UQCC1: variants seen among roughly 807,000 people sequenced by gnomAD.
The protein encoded by UQCC1 is ubiquinol-cytochrome c reductase complex assembly factor 1.
UQCC1 carries 38 observed loss-of-function variants against 48.0 expected under a neutral mutation model. That is an observed-to-expected ratio of 0.79 (90% CI 0.61 to 1.04). The LOEUF is 1.04. Among genes scored for constraint, UQCC1 ranks in the 50% least tolerant of loss-of-function variants. UQCC1 has a pLI of 0.00. For missense variants in UQCC1, 368 were observed against 381.8 expected (o/e 0.96, Z 0.30); for synonymous variants, 111 against 129.2 (o/e 0.86, Z 0.95).
In UQCC1 at chr20:35,366,596, G is replaced by A. The variant is rs774347300; in HGVS notation, c.425C>T (p.Thr142Ile). 1.9e-6 allele frequency: 3 copies of A among 1,613,892 alleles called. No individual in the cohort carries two copies. The highest frequency in any genetic ancestry group is 3.3e-5 in the Admixed American group (2 of 60,018). Residue 142 changes from threonine (T) to isoleucine (I), a missense_variant, in exon 6 of 10, where the codon ACA becomes ATA. Transcript: ENST00000374385. ...GGTTATAAGAAACCATGAATTGAAT[G>A]TATCAGGCATCTGACACCCTAGAAA... is the stretch of plus-strand genomic sequence containing the variant. ...EFFLRCQMPD[T>I]FNSWFLITLL...
intron 6 of UQCC1, among the ~76,000 whole-genome samples, chr20:35,358,169 C>G (rs2061566939): frequency 6.6e-6 from 1 of 151,910 alleles, no homozygotes; most frequent in Non-Finnish European, 1.5e-5. Context: ...GCCTGGCCAA[C>G]CTGGTGAAAC....
At chr20:35,324,381 C>T (rs1332389297) in intron 7 of UQCC1, among the ~76,000 whole-genome samples, 1 of 152,112 alleles carries the variant, frequency 6.6e-6, no homozygotes, top group East Asian at 1.9e-4. Context: ...GGCTGGAGTG[C>T]CGTGGCGCCA....
intron 8 of UQCC1, among the ~76,000 whole-genome samples, chr20:35,309,838 A>C (rs1382812557): frequency 1.3e-5 from 2 of 152,248 alleles, no homozygotes; most frequent in African/African-American, 4.8e-5. Flanking sequence ...TAGGAACACA[A>C]GAGTCACAGC....
chr20:35,377,133 T>C (rs891156402), intron 4 of UQCC1, among the ~76,000 whole-genome samples: 1 of 152,118 alleles, frequency 6.6e-6, no homozygotes, highest in South Asian at 2.1e-4. Flanking sequence ...TACAGAACAA[T>C]AGCCTTCATG....
intron 8 of UQCC1, chr20:35,307,187 G>T: frequency 3.4e-6 from 1 of 290,874 alleles, no homozygotes; most frequent in South Asian, 3.5e-5. Flanking sequence ...GGAATATTGT[G>T]AATGTATGTT....
At chr20:35,324,522 T>C (rs1329463520) in intron 7 of UQCC1, among the ~76,000 whole-genome samples, 2 of 152,122 alleles carry the variant, frequency 1.3e-5, no homozygotes, top group Non-Finnish European at 2.9e-5. Flanking sequence ...GAGACGGGGT[T>C]TCACCGTGTT....
At chr20:35,374,094 G>T in intron 5 of UQCC1, 90 bp downstream of exon 5, 2 of 966,224 alleles carry the variant, frequency 2.1e-6, no homozygotes, top group Non-Finnish European at 3.2e-6. Context: ...GTTTCACTAG[G>T]GACTAAAAAA....
chr20:35,354,383 G>A (rs113052403), intron 6 of UQCC1, among the ~76,000 whole-genome samples: 75 of 146,244 alleles, frequency 5.1e-4, no homozygotes, highest in African/African-American at 1.7e-3. Flanking sequence ...AAAATAAAAG[G>A]AGGGCAAATT....
At chr20:35,366,694 G>A (rs571512807) in intron 5 of UQCC1, 80 bp from the exon 6 acceptor site, 127 of 1,218,872 alleles carry the variant, frequency 1.0e-4, no homozygotes, top group Middle Eastern at 2.4e-4. Context: ...TGGCAGGCAC[G>A]GCACTTATGG....
intron 6 of UQCC1, among the ~76,000 whole-genome samples, chr20:35,359,438 A>T (rs2061581725): frequency 1.3e-5 from 2 of 152,210 alleles, no homozygotes; most frequent in Non-Finnish European, 2.9e-5. Context: ...GTTCAAAGGA[A>T]TAGGAGAGTT....
At position 35,306,733 on chromosome 20, in the gene UQCC1, G is replaced by A; in HGVS notation, c.698C>T (p.Thr233Ile). 6 of 1,614,000 alleles carry A rather than the reference G, an allele frequency of 3.7e-6. No individual in the cohort carries two copies. Among genetic ancestry groups the A allele is most frequent in the South Asian group, 2.2e-5 (2 of 91,082 alleles). Reference sequence around the variant, plus strand: ...GTCTTCACATTTCCGGTTGAAGAAGGTTCTCCAGAGGGCAGCGGCCAGCCC... The same window carrying A: ...GTCTTCACATTTCCGGTTGAAGAAGATTCTCCAGAGGGCAGCGGCCAGCCC... ...DHGLAAALWR[T>I]FFNRKCEDPR... The change falls in exon 9 of 10, where the codon ACC (threonine) becomes ATC (isoleucine). Residue 233 changes from threonine to isoleucine, a missense_variant. Thr to Ile is a moderately conservative substitution (Grantham distance 89). Coordinates refer to ENST00000374385, the MANE Select transcript of UQCC1 (RefSeq NM_018244.5).
chr20:35,354,369 C>T (rs1467893174), intron 6 of UQCC1, among the ~76,000 whole-genome samples: 1 of 151,184 alleles, frequency 6.6e-6, no homozygotes, highest in African/African-American at 2.4e-5. Flanking sequence ...TGGATTGACA[C>T]CTGAAAATAA....
chr20:35,347,031 C>A, intron 7 of UQCC1, 133 bp downstream of exon 7: 1 of 1,593,314 alleles, frequency 6.3e-7, no homozygotes, highest in Non-Finnish European at 8.6e-7. Flanking sequence ...GTGACTTTAG[C>A]GGAACTGCCA....
intron 9 of UQCC1, among the ~76,000 whole-genome samples, chr20:35,305,945 T>G (rs1290163817): frequency 2.0e-5 from 3 of 152,170 alleles, no homozygotes; most frequent in Admixed American, 2.0e-4. Flanking sequence ...GCTGACTCAC[T>G]GGGAGGCCCT....
intron 7 of UQCC1, among the ~76,000 whole-genome samples, chr20:35,343,618 C>T (rs192557722): frequency 6.6e-6 from 1 of 152,332 alleles, no homozygotes; most frequent in East Asian, 1.9e-4. Context: ...AATTCCCCAA[C>T]TCTTCCAAAT....
chr20:35,371,585 G>C (rs2061731036), intron 5 of UQCC1, among the ~76,000 whole-genome samples: 1 of 150,594 alleles, frequency 6.6e-6, no homozygotes, highest in African/African-American at 2.4e-5. Flanking sequence ...ACCCACTTCA[G>C]ACTCCCAAAG....
intron 7 of UQCC1, among the ~76,000 whole-genome samples, chr20:35,336,160 C>T (rs561542165): frequency 2.6e-5 from 4 of 152,298 alleles, no homozygotes; most frequent in South Asian, 2.1e-4. Context: ...TTTTTAGTTT[C>T]GTACAGAGTA....
Position 35,303,784 on chromosome 20 carries a change from A to G in UQCC1, c.*151T>C. 2 of 1,091,630 alleles carry G rather than the reference A, an allele frequency of 1.8e-6. No individual in the cohort carries two copies. The highest frequency in any genetic ancestry group is 2.8e-5 in the South Asian group (2 of 70,182). 67.6% of individuals were successfully genotyped at this position (1,091,630 alleles called of 1,614,324 possible). ...AGATCAGACTCCTGGGCACACTAAG[A>G]GGAAACTCAACACAAATGGGGCCAG... On this transcript the variant is annotated 3_prime_UTR_variant, in exon 10 of 10. Transcript: ENST00000374385.
intron 7 of UQCC1, among the ~76,000 whole-genome samples, chr20:35,332,692 C>T (rs2061270220): frequency 6.6e-6 from 1 of 152,330 alleles, no homozygotes; most frequent in East Asian, 1.9e-4. Context: ...AATGGTCAGT[C>T]CTGGGGAATG....
Sources: allele counts gnomAD v4.1 joint callset (sites outside exome capture counted in the v4.1 genomes callset), GRCh38; gene constraint gnomAD v4.1.1; transcripts MANE v1.5; gene names NCBI Gene and HGNC (gene_info 2026-07-23, HGNC 2026-07-21).